STYXL2: variants seen among roughly 807,000 people sequenced by gnomAD.
STYXL2 encodes the protein serine/threonine/tyrosine-interacting-like protein 2.
In STYXL2, 44 loss-of-function variants were observed where a neutral mutation model predicts 52.4. That is an observed-to-expected ratio of 0.84 (90% CI 0.66 to 1.08). The LOEUF (loss-of-function observed/expected upper bound fraction) is 1.08. STYXL2 is among the 50% of genes least tolerant of loss of function. The pLI is 0.00. For missense variants in STYXL2, 1,604 were observed against 1,471.7 expected (o/e 1.09, Z -1.47); for synonymous variants, 604 against 586.9 (o/e 1.03, Z -0.42).
At position 167,127,265 on chromosome 1, in the gene STYXL2, G is replaced by T. The variant is rs770986916; in HGVS notation, c.2134G>T (p.Val712Leu). 6.2e-7 allele frequency: 1 copy of T among 1,614,100 alleles called. No individual in the cohort carries two copies. The highest frequency in any genetic ancestry group is 1.3e-5 in the African/African-American group (1 of 74,942). ...NPTTPLPNLP[V>L]GPGDTISIAS... ...CACCACACCCCTGCCTAACCTGCCA[G>T]TGGGGCCTGGAGACACCATTTCCAT... The change falls in exon 6 of 6, where the codon GTG (valine) becomes TTG (leucine). Residue 712 changes from valine (V) to leucine (L), a missense_variant. Physicochemically the swap from Val to Leu is conservative, Grantham distance 32. Transcript: ENST00000361200.
At chr1:167,116,637 CTT>C (rs1458043342) in intron 3 of STYXL2, among the ~76,000 whole-genome samples, 2 of 123,858 alleles carry the variant, frequency 1.6e-5, no homozygotes, top group Non-Finnish European at 1.7e-5. Context: ...AATACTTCTA[CTT>C]TTTTTTTTTT....
In STYXL2 at chr1:167,126,567, C is replaced by T. The variant is rs1437820488; in HGVS notation, c.1436C>T (p.Ala479Val). 1 of 1,613,824 alleles carries T rather than the reference C, an allele frequency of 6.2e-7. No individual in the cohort carries two copies. The highest frequency in any genetic ancestry group is 8.5e-7 in the Non-Finnish European group (1 of 1,179,992). The part of the protein sequence containing the change: ...DSMSSESTWD[A>V]WNERLLEIEK... ...ATGTCCTCGGAGAGCACCTGGGACG[C>T]ATGGAACGAGAGGCTGCTGGAGATT... The change falls in exon 6 of 6, where the codon GCA becomes GTA. Residue 479 changes from alanine to valine, a missense_variant. Physicochemically the swap from Ala to Val is moderately conservative, Grantham distance 64. Transcript: ENST00000361200.
intron 2 of STYXL2, among the ~76,000 whole-genome samples, chr1:167,112,989 G>A (rs1031209459): frequency 2.6e-5 from 4 of 152,156 alleles, no homozygotes; most frequent in Non-Finnish European, 5.9e-5. Context: ...CACCGCCATA[G>A]TGCAGTCCCA....
intron 2 of STYXL2, among the ~76,000 whole-genome samples, chr1:167,105,815 A>G (rs571209457): frequency 1.3e-5 from 2 of 152,334 alleles, no homozygotes; most frequent in South Asian, 4.1e-4. Flanking sequence ...ACACTGGGTA[A>G]TACGGAGCAG....
At chr1:167,113,596 A>G (rs558382543) in intron 2 of STYXL2, 114 bp from the exon 3 acceptor site, 2 of 804,536 alleles carry the variant, frequency 2.5e-6, no homozygotes, top group East Asian at 2.5e-5. Flanking sequence ...CTTTGCCTTG[A>G]TCACTCGTTG....
intron 4 of STYXL2, 23 bp from the exon 5 acceptor site, chr1:167,119,226 C>G: frequency 6.2e-7 from 1 of 1,610,768 alleles, no homozygotes. Flanking sequence ...CTCTTGCAAA[C>G]AGGTCCCTGC....
intron 3 of STYXL2, among the ~76,000 whole-genome samples, chr1:167,114,856 A>G (rs573841332): frequency 6.6e-6 from 1 of 151,956 alleles, no homozygotes; most frequent in Non-Finnish European, 1.5e-5. Flanking sequence ...CAGTGTCTTC[A>G]CCCTGGTCCA....
chr1:167,122,031 GC>G (rs1396666771), intron 5 of STYXL2, among the ~76,000 whole-genome samples: 1 of 152,114 alleles, frequency 6.6e-6, no homozygotes, highest in Non-Finnish European at 1.5e-5. Flanking sequence ...AACACCTGGC[GC>G]CGGCGTTTTA....
rs180702469 is a variant in STYXL2 at position 167,125,238 on chromosome 1, T to A, written c.656-549T>A. Among the ~76,000 whole-genome samples, 69 of 152,256 alleles carry A rather than the reference T, an allele frequency of 4.5e-4. 1 individual carries two copies. The East Asian group carries it at 6.4e-3, about 14-fold the overall frequency. The stretch of plus-strand genomic sequence containing the variant: ...ACTTTTCCCTAACATATGAAAAAAA[T>A]TTTGAAGCACTAGAGTGATCCAAAA... On this transcript the variant is annotated intron_variant, in intron 5 of 5. Coordinates refer to ENST00000361200, the MANE Select transcript of STYXL2 (RefSeq NM_001080426.3).
rs748897144 is a variant in STYXL2, at chr1:167,125,843, G to A, written c.712G>A (p.Ala238Thr). 12 of 1,613,410 alleles carry A rather than the reference G, an allele frequency of 7.4e-6. No homozygotes were observed. Among genetic ancestry groups the A allele is most frequent in the Middle Eastern group, 1.7e-4 (1 of 6,052 alleles). ...GISRSAVLVVAYLMIFHNMAI... is the reference protein window; with the variant it reads ...GISRSAVLVVTYLMIFHNMAI... ...CAGCCGGTCAGCAGTGCTGGTGGTCGCCTACCTGATGATCTTCCACAACAT... is the reference window on the plus strand; with the variant it reads ...CAGCCGGTCAGCAGTGCTGGTGGTCACCTACCTGATGATCTTCCACAACAT... The change falls in exon 6 of 6, where the codon GCC becomes ACC. Residue 238 changes from alanine to threonine, a missense_variant. Ala to Thr is a moderately conservative substitution (Grantham distance 58). Transcript: ENST00000361200.
intron 5 of STYXL2, 151 bp from the exon 6 acceptor site, chr1:167,125,636 C>T: frequency 1.7e-6 from 2 of 1,200,186 alleles, no homozygotes; most frequent in South Asian, 1.8e-5. Context: ...CTCAGCCCTC[C>T]TGTGTCTTGA....
chr1:167,098,891 C>A (rs946312354), intron 2 of STYXL2, among the ~76,000 whole-genome samples: 5 of 152,172 alleles, frequency 3.3e-5, no homozygotes, highest in Non-Finnish European at 7.3e-5. Context: ...CATGAGCTAG[C>A]CTCAGGAGTT....
intron 2 of STYXL2, among the ~76,000 whole-genome samples, chr1:167,106,556 G>T (rs540969013): frequency 1.3e-5 from 2 of 152,244 alleles, no homozygotes; most frequent in Admixed American, 1.3e-4. Flanking sequence ...GTTAATAGGA[G>T]TATAAATAGT....
intron 5 of STYXL2, among the ~76,000 whole-genome samples, chr1:167,122,709 C>T (rs1558025636): frequency 6.6e-6 from 1 of 151,964 alleles, no homozygotes; most frequent in Non-Finnish European, 1.5e-5. Flanking sequence ...CACTCTGTCA[C>T]CCAGGATGGA....
At chr1:167,097,606 A>G (rs1386805277) in intron 2 of STYXL2, among the ~76,000 whole-genome samples, 1 of 152,154 alleles carries the variant, frequency 6.6e-6, no homozygotes, top group Non-Finnish European at 1.5e-5. Context: ...AAAATAATAA[A>G]ATATAATCAA....
chr1:167,101,963 G>T (rs555930569), intron 2 of STYXL2, among the ~76,000 whole-genome samples: 1 of 152,126 alleles, frequency 6.6e-6, no homozygotes, highest in South Asian at 2.1e-4. Context: ...ATACTATACA[G>T]CAACGAAAAG....
chr1:167,103,702 T>G (rs1348297501), intron 2 of STYXL2, among the ~76,000 whole-genome samples: 1 of 152,206 alleles, frequency 6.6e-6, no homozygotes, highest in African/African-American at 2.4e-5. Flanking sequence ...CAAATTTCCC[T>G]AAGTGATTCA....
intron 2 of STYXL2, among the ~76,000 whole-genome samples, chr1:167,112,908 C>T (rs1667647572): frequency 6.6e-6 from 1 of 152,180 alleles, no homozygotes; most frequent in Admixed American, 6.5e-5. Context: ...CAAAGCTCAT[C>T]TGAACACCTG....
intron 5 of STYXL2, among the ~76,000 whole-genome samples, chr1:167,120,179 T>C (rs181469874): frequency 1.6e-3 from 244 of 152,286 alleles, no homozygotes; most frequent in African/African-American, 5.4e-3. Context: ...GGGTTGCTAT[T>C]GCTATATCCA....
Sources: allele counts gnomAD v4.1 joint callset (sites outside exome capture counted in the v4.1 genomes callset), GRCh38; gene constraint gnomAD v4.1.1; transcripts MANE v1.5; gene names NCBI Gene and HGNC (gene_info 2026-07-23, HGNC 2026-07-21).